PCDHGB6: variants seen among roughly 807,000 people sequenced by gnomAD.
The protein encoded by PCDHGB6 is protocadherin gamma subfamily B, 6, also known as protocadherin gamma-B6.
A neutral mutation model predicts 59.1 loss-of-function variants in PCDHGB6; 51 were observed. That is an observed-to-expected ratio of 0.86 (90% CI 0.69 to 1.09). PCDHGB6 has a LOEUF of 1.09. Ranked by LOEUF, PCDHGB6 falls within the 50% of genes least tolerant of loss-of-function variation. The pLI, the probability that PCDHGB6 is intolerant of heterozygous loss-of-function variation, is 0.00. For synonymous variants in PCDHGB6, 466 were observed against 495.1 expected, an observed-to-expected ratio of 0.94 and a Z score of 0.78; for missense variants, 1,148 against 1,205.1, an observed-to-expected ratio of 0.95 and a Z score of 0.70.
chr5:141,431,408 G>A lies in PCDHGB6; in HGVS notation c.2418+20788G>A. ...CCACCTGGTCCTTACGGCCTCCGAC[G>A]GGGGCGACCCGGTGCGCACAGGCAC... On this transcript the variant is annotated intron_variant, in intron 1 of 3. Transcript: ENST00000520790. The surrounding 1 kb of genome is among the most constrained non-coding windows in gnomAD (Gnocchi z 4.8). 6.2e-7 allele frequency: 1 copy of A among 1,613,718 alleles called. No individual in the cohort carries two copies. The highest frequency in any genetic ancestry group is 2.2e-5 in the East Asian group (1 of 44,882).
At chr5:141,466,515 TTTTCCTCCCAAATTGA>T (rs2099124043) in intron 1 of PCDHGB6, among the ~76,000 whole-genome samples, 1 of 152,232 alleles carries the variant, frequency 6.6e-6, no homozygotes, top group Admixed American at 6.5e-5. Context: ...AGATCATTTT[TTTTCCTCCCAAATTGA>T]TGTAGATGGT....
intron 1 of PCDHGB6, chr5:141,428,062 A>G: frequency 6.2e-7 from 1 of 1,609,084 alleles, no homozygotes; most frequent in African/African-American, 1.3e-5. Flanking sequence ...GTGGCGGTGG[A>G]CGCAGATTCG....
intron 1 of PCDHGB6, among the ~76,000 whole-genome samples, chr5:141,462,897 G>A (rs2099049236): frequency 6.6e-6 from 1 of 152,130 alleles, no homozygotes; most frequent in South Asian, 2.1e-4. Context: ...TGTTTTGGAA[G>A]GCTATTATGT....
At chr5:141,447,824 G>A (rs926580893) in intron 1 of PCDHGB6, among the ~76,000 whole-genome samples, 7 of 152,034 alleles carry the variant, frequency 4.6e-5, no homozygotes, top group Admixed American at 1.3e-4. Flanking sequence ...GGTGGCTCAC[G>A]CCTGTAATCC....
At chr5:141,411,189 T>C (rs1222862554) in intron 1 of PCDHGB6, 1 of 152,208 alleles carries the variant, frequency 6.6e-6, no homozygotes, top group Non-Finnish European at 1.5e-5. Context: ...TCTTGGCATC[T>C]AAGAAAACAA....
chr5:141,410,349 G>A lies in PCDHGB6; in HGVS notation c.2147G>A (p.Arg716Gln). Residue 716 changes from arginine to glutamine, a missense_variant, in exon 1 of 4, where the codon CGA becomes CAA. Coordinates refer to ENST00000520790, the MANE Select transcript of PCDHGB6 (RefSeq NM_018926.3). ...AVILAIALRL[R>Q]RSLSPATWDC... is the part of the protein sequence containing the mutation. ...ATTCTGGCCATTGCCTTGCGCCTGC[G>A]ACGCTCTCTCAGCCCTGCTACTTGG... 1 of 1,613,994 alleles carries A rather than the reference G, an allele frequency of 6.2e-7. No homozygotes were observed. The highest frequency in any genetic ancestry group is 8.5e-7 in the Non-Finnish European group (1 of 1,179,904).
chr5:141,430,276 G>C (rs2097271928), intron 1 of PCDHGB6, among the ~76,000 whole-genome samples: 1 of 151,720 alleles, frequency 6.6e-6, no homozygotes, highest in South Asian at 2.1e-4. Context: ...TGTGTTGGGG[G>C]AACAGTAATC....
chr5:141,472,060 T>C (rs185246000), intron 1 of PCDHGB6, among the ~76,000 whole-genome samples: 5 of 152,276 alleles, frequency 3.3e-5, no homozygotes, highest in Non-Finnish European at 1.5e-5. Context: ...ATGATTGACA[T>C]GTCTGTGGTT....
intron 1 of PCDHGB6, among the ~76,000 whole-genome samples, chr5:141,488,289 TAAGTGAA>T (rs1389982829): frequency 6.6e-6 from 1 of 152,186 alleles, no homozygotes; most frequent in Non-Finnish European, 1.5e-5. Context: ...GAAAAAACAG[TAAGTGAA>T]ATCACTTATG....
intron 1 of PCDHGB6, chr5:141,433,358 C>CCTATCTATCTATCTATCTATCTAT: frequency 9.9e-6 from 5 of 503,368 alleles, no homozygotes; most frequent in South Asian, 2.6e-5. Flanking sequence ...CTACTGTCTG[C>CCTATCTATCTATCTATCTATCTAT]CTATCTATCT....
rs2099697598 is a variant in PCDHGB6 at position 141,490,236 on chromosome 5, C to T, written c.2419-4571C>T. On this transcript the variant is annotated intron_variant, in intron 1 of 3. Coordinates refer to ENST00000520790, the MANE Select transcript of PCDHGB6 (RefSeq NM_018926.3). This position sits in a 1 kb window ranked among gnomAD's most constrained non-coding sequence, Gnocchi z 5.4. ...ACCAGGGACAGCCTGCCATGGAGGG[C>T]CACTGTGTGATTCAAGTGGATGTGG... is the stretch of plus-strand genomic sequence containing the variant. 1 of 1,614,078 alleles carries T rather than the reference C, an allele frequency of 6.2e-7. No homozygotes were observed. The highest frequency in any genetic ancestry group is 1.1e-5 in the South Asian group (1 of 91,088).
chr5:141,439,065 C>T (rs571768018), intron 1 of PCDHGB6, among the ~76,000 whole-genome samples: 13 of 151,628 alleles, frequency 8.6e-5, no homozygotes, highest in East Asian at 7.9e-4. Flanking sequence ...GTGTGGCAGG[C>T]GCCTGTAATC....
In PCDHGB6 at chr5:141,409,025, G is replaced by T. The variant is rs202094928; in HGVS notation, c.823G>T (p.Ala275Ser). Reference sequence around the variant, plus strand: ...CACTGACCAGGATGAGGGGGTCAATGCTGAGATAAACTACTACTTCCGAAG... The same window carrying T: ...CACTGACCAGGATGAGGGGGTCAATTCTGAGATAAACTACTACTTCCGAAG... Reference protein sequence around the residue: ...TATDQDEGVNAEINYYFRSTA... With the variant: ...TATDQDEGVNSEINYYFRSTA... The change falls in exon 1 of 4, where the codon GCT becomes TCT. Residue 275 changes from alanine to serine, a missense_variant. Physicochemically the swap from Ala to Ser is moderately conservative, Grantham distance 99. Coordinates refer to ENST00000520790, the MANE Select transcript of PCDHGB6 (RefSeq NM_018926.3). 2.9e-3 allele frequency: 4,667 copies of T among 1,614,008 alleles called. 11 individuals are homozygous for T. The highest frequency in any genetic ancestry group is 3.6e-3 in the Non-Finnish European group (4,254 of 1,179,906).
At chr5:141,425,457 T>G (rs936918643) in intron 1 of PCDHGB6, among the ~76,000 whole-genome samples, 6 of 152,318 alleles carry the variant, frequency 3.9e-5, no homozygotes, top group Admixed American at 6.5e-5. Flanking sequence ...ACCATCACAT[T>G]TCATGTTATT....
intron 1 of PCDHGB6, among the ~76,000 whole-genome samples, chr5:141,492,824 C>T (rs1027583244): frequency 4.6e-5 from 7 of 152,236 alleles, no homozygotes. Context: ...ACCAGCGGCC[C>T]CTTCCTCCCG....
Position 141,408,885 on chromosome 5 carries a change from T to G in PCDHGB6, c.683T>G (p.Ile228Arg). ...CCACCAAGAAGTGCCACCGCTCACATAGAAATTTCTGTCAAGGATACCAAT... is the reference window on the plus strand; with the variant it reads ...CCACCAAGAAGTGCCACCGCTCACAGAGAAATTTCTGTCAAGGATACCAAT... ...GDPPRSATAHIEISVKDTNDN... is the reference protein window; with the variant it reads ...GDPPRSATAHREISVKDTNDN... Residue 228 changes from isoleucine (I) to arginine (R), a missense_variant, in exon 1 of 4, where the codon ATA (isoleucine) becomes AGA (arginine). Physicochemically the swap from Ile to Arg is moderately conservative, Grantham distance 97. This residue lies in a region of PCDHGB6 where 307 missense variants were observed against 323.8 expected (regional missense o/e 0.95). Coordinates refer to ENST00000520790, the MANE Select transcript of PCDHGB6 (RefSeq NM_018926.3). The G allele has an allele frequency of 6.2e-7, 1 of 1,613,020 alleles. No homozygotes were observed. The highest frequency in any genetic ancestry group is 1.6e-4 in the Middle Eastern group (1 of 6,062).
chr5:141,422,166 T>G (rs370704205), intron 1 of PCDHGB6: 30 of 1,569,256 alleles, frequency 1.9e-5, no homozygotes, highest in Non-Finnish European at 2.5e-5. Flanking sequence ...TTGAAAAATA[T>G]AGATTCTATG....
At chr5:141,504,502 G>A (rs2099838821) in intron 2 of PCDHGB6, among the ~76,000 whole-genome samples, 1 of 152,128 alleles carries the variant, frequency 6.6e-6, no homozygotes, top group Non-Finnish European at 1.5e-5. Context: ...CCCAGTCTGA[G>A]TGGATCTCCT....
chr5:141,486,688 C>G lies in PCDHGB6; in HGVS notation c.2419-8119C>G, dbSNP rs748605515. On this transcript the variant is annotated intron_variant, in intron 1 of 3. Coordinates refer to ENST00000520790, the MANE Select transcript of PCDHGB6 (RefSeq NM_018926.3). This position sits in a 1 kb window ranked among gnomAD's most constrained non-coding sequence, Gnocchi z 5.0. ...CCAGGAATCGAGATGTATCAGCTTCCTCTTTCATCTCTCTGAACCCCCAGA... is the reference window on the plus strand; with the variant it reads ...CCAGGAATCGAGATGTATCAGCTTCGTCTTTCATCTCTCTGAACCCCCAGA... The G allele has an allele frequency of 1.2e-6, 2 of 1,614,170 alleles. No homozygotes were observed. The highest frequency in any genetic ancestry group is 8.5e-7 in the Non-Finnish European group (1 of 1,180,044).
Sources: gnomAD v4.1 joint callset for allele counts (sites outside exome capture counted in the v4.1 genomes callset) on GRCh38, gnomAD v4.1.1 for gene constraint, gnomAD v4.1.1 regional missense constraint, Gnocchi (gnomAD v3.1) non-coding constraint, MANE v1.5 for transcripts, NCBI Gene and HGNC (gene_info 2026-07-23, HGNC 2026-07-21) for gene names.